IL1RAPL1: variants seen among roughly 807,000 people sequenced by gnomAD.
IL1RAPL1 encodes the protein interleukin-1 receptor accessory protein-like 1.
Under a neutral mutation model 48.4 loss-of-function variants are expected in IL1RAPL1, and 3 were observed. The observed-to-expected ratio is 0.06, with a 90% CI of 0.03 to 0.16. The LOEUF is 0.16. IL1RAPL1 is among the 10% of genes least tolerant of loss of function. The pLI, the probability that IL1RAPL1 is intolerant of heterozygous loss-of-function variation, is 1.00. For synonymous variants in IL1RAPL1, 185 were observed against 187.7 expected (o/e 0.99, Z 0.12); for missense variants, 349 against 530.6 (o/e 0.66, Z 3.36).
chrX:28,882,727 G>A (rs1185710137), intron 2 of IL1RAPL1, among the ~76,000 whole-genome samples: 1 of 111,875 alleles, frequency 8.9e-6, no homozygotes, highest in Non-Finnish European at 1.9e-5. Context: ...CAGTAGACCT[G>A]CCCTACATGA....
chrX:29,929,823 C>T (rs1932925867), intron 8 of IL1RAPL1, among the ~76,000 whole-genome samples: 1 of 110,811 alleles, frequency 9.0e-6, no homozygotes, highest in Admixed American at 9.6e-5. Context: ...TTATTTATAC[C>T]ACCTCACAAT....
At chrX:28,646,767 T>C (rs1243360983) in intron 1 of IL1RAPL1, among the ~76,000 whole-genome samples, 12 of 112,711 alleles carry the variant, frequency 1.1e-4, no homozygotes, top group Admixed American at 9.4e-4. Flanking sequence ...TAGCACTCTA[T>C]GTATTCCCAA....
intron 2 of IL1RAPL1, among the ~76,000 whole-genome samples, chrX:29,071,556 T>C (rs1300165617): frequency 8.9e-6 from 1 of 111,970 alleles, no homozygotes; most frequent in African/African-American, 3.2e-5. Flanking sequence ...TGAAATAGTA[T>C]GGGAAATTCC....
chrX:28,940,874 C>G (rs1226854834), intron 2 of IL1RAPL1, among the ~76,000 whole-genome samples: 1 of 110,360 alleles, frequency 9.1e-6, no homozygotes, highest in African/African-American at 3.3e-5. Context: ...AATGTACCAG[C>G]TAATTTTCAT....
intron 2 of IL1RAPL1, among the ~76,000 whole-genome samples, chrX:29,007,401 A>G (rs1318024488): frequency 1.8e-5 from 2 of 112,323 alleles, no homozygotes; most frequent in Non-Finnish European, 3.8e-5. Flanking sequence ...ATATTATTAA[A>G]CAATGAGTTA....
chrX:29,890,424 G>A lies in IL1RAPL1; in HGVS notation c.779-27040G>A, dbSNP rs753019527. On this transcript the variant is annotated intron_variant, in intron 6 of 10. Transcript: ENST00000378993. ...TGTGCCGCCAGGCTGCAGTGGTTGG[G>A]GTATGGAGAGTGAAGAACTTTTTGA... Among the ~76,000 whole-genome samples the A allele has an allele frequency of 6.3e-5, 7 of 111,828 alleles. No individual in the cohort carries two copies. The South Asian group carries it at 2.6e-3, about 42-fold the overall frequency.
intron 3 of IL1RAPL1, among the ~76,000 whole-genome samples, chrX:29,333,539 C>T (rs1285590927): frequency 1.1e-5 from 1 of 94,617 alleles, no homozygotes; most frequent in Admixed American, 1.1e-4. Flanking sequence ...GGGGCTGATC[C>T]CCCCACCTCC....
intron 5 of IL1RAPL1, among the ~76,000 whole-genome samples, chrX:29,601,592 C>A (rs1476276052): frequency 8.9e-6 from 1 of 112,092 alleles, no homozygotes; most frequent in Non-Finnish European, 1.9e-5. Flanking sequence ...ATTACCCACC[C>A]TTTAGTTTTC....
In IL1RAPL1 at chrX:29,122,733, TGATTGCAG is replaced by T. The variant is rs201537554; in HGVS notation, c.83-160204_83-160197del. ...TCGTTGAATCACTGTAAGAGACTGC[TGATTGCAG>T]AGCCTCTTAGTGTTTGATATTACTC... On this transcript the variant is annotated intron_variant, in intron 2 of 10. Transcript: ENST00000378993. Among the ~76,000 whole-genome samples the T allele has an allele frequency of 1.8e-3, 199 of 111,148 alleles. 1 individual carries two copies. Among genetic ancestry groups the T allele is most frequent in the African/African-American group, 6.2e-3 (191 of 30,605 alleles).
rs930139639 is a variant in IL1RAPL1 at position 29,954,432 on chromosome X, G to A, written c.1202-90G>A. On this transcript the variant is annotated intron_variant, in intron 9 of 10. Coordinates refer to ENST00000378993, the MANE Select transcript of IL1RAPL1 (RefSeq NM_014271.4). ...GTCTTTCAGAAATGGGACATTTGGA[G>A]ACGTTTATGAAAAAAAGTGCATGTT... The A allele has an allele frequency of 1.7e-5, 12 of 711,678 alleles. No individual in the cohort carries two copies. The East Asian group carries it at 4.1e-4, about 24-fold the overall frequency. The allele number at this position is 711,678 out of a possible 1,213,427, so 58.7% of individuals were successfully genotyped here. A position where few individuals can be genotyped will look rare whatever the true frequency, so the allele number is the denominator to read the frequency against.
chrX:28,954,294 G>A (rs1355103786), intron 2 of IL1RAPL1, among the ~76,000 whole-genome samples: 1 of 111,300 alleles, frequency 9.0e-6, no homozygotes, highest in Non-Finnish European at 1.9e-5. Flanking sequence ...GTACTGGCAT[G>A]TGGGTCAGAA....
intron 3 of IL1RAPL1, among the ~76,000 whole-genome samples, chrX:29,357,232 TTC>T (rs751829009): frequency 8.9e-6 from 1 of 112,452 alleles, no homozygotes; most frequent in African/African-American, 3.2e-5. Flanking sequence ...AAAGAATATT[TTC>T]TGTCATAATT....
rs537617855 is a variant in IL1RAPL1, at chrX:29,444,745, A to C, written c.703+45437A>C. 6.3e-5 allele frequency among the ~76,000 whole-genome samples: 7 copies of C among 111,970 alleles called. No homozygotes were observed. In the South Asian group the frequency reaches 2.6e-3, roughly 42 times the overall value. ...TAATAATTATAATGATCTCAACGAG[A>C]GTCACGAAACAGGTTGAGGAAAGTA... On this transcript the variant is annotated intron_variant, in intron 5 of 10. Transcript: ENST00000378993.
chrX:29,523,604 T>C (rs767186829), intron 5 of IL1RAPL1, among the ~76,000 whole-genome samples: 2 of 111,949 alleles, frequency 1.8e-5, no homozygotes, highest in Non-Finnish European at 3.8e-5. Context: ...TATACACTTT[T>C]AAGGTTGCAC....
chrX:29,715,050 T>C (rs777056261), intron 6 of IL1RAPL1, among the ~76,000 whole-genome samples: 18 of 112,276 alleles, frequency 1.6e-4, no homozygotes, highest in Non-Finnish European at 3.2e-4. Context: ...CATCCTGCTT[T>C]GGGATGTGAA....
intron 5 of IL1RAPL1, among the ~76,000 whole-genome samples, chrX:29,438,677 G>T (rs992489860): frequency 2.7e-5 from 3 of 111,202 alleles, no homozygotes; most frequent in African/African-American, 9.8e-5. Context: ...AATGTTTGGA[G>T]ATTTTCCTGT....
chrX:28,762,869 C>G (rs1379733063), intron 1 of IL1RAPL1, among the ~76,000 whole-genome samples: 1 of 103,755 alleles, frequency 9.6e-6, no homozygotes, highest in African/African-American at 3.6e-5. Flanking sequence ...TTTCACGTAA[C>G]CAAAGCAGAG....
chrX:28,969,988 C>T (rs770952814), intron 2 of IL1RAPL1, among the ~76,000 whole-genome samples: 7 of 109,229 alleles, frequency 6.4e-5, no homozygotes, highest in Admixed American at 3.9e-4. Flanking sequence ...TTTCTAAACA[C>T]ATATATATGT....
At chrX:29,020,543 A>G (rs1926340325) in intron 2 of IL1RAPL1, among the ~76,000 whole-genome samples, 1 of 112,196 alleles carries the variant, frequency 8.9e-6, no homozygotes, top group East Asian at 2.8e-4. Flanking sequence ...TATTCACATG[A>G]CGATGAAATC....
Sources: gnomAD v4.1 joint callset for allele counts (sites outside exome capture counted in the v4.1 genomes callset) on GRCh38, gnomAD v4.1.1 for gene constraint, MANE v1.5 for transcripts, NCBI Gene and HGNC (gene_info 2026-07-23, HGNC 2026-07-21) for gene names.